The following RABEP1 variants were observed in gnomAD, a reference collection of about 807,000 sequenced individuals.
RABEP1 encodes rab GTPase-binding effector protein 1.
A neutral mutation model predicts 123.4 loss-of-function variants in RABEP1; 51 were observed. The observed-to-expected ratio is 0.41, with a 90% CI of 0.33 to 0.52. RABEP1 has a LOEUF of 0.52. RABEP1 is among the 20% of genes least tolerant of loss of function. The pLI is 0.16. For synonymous variants in RABEP1, 347 were observed against 355.2 expected (o/e 0.98, Z 0.26); for missense variants, 888 against 996.3 (o/e 0.89, Z 1.46).
intron 1 of RABEP1, among the ~76,000 whole-genome samples, chr17:5,284,500 C>T (rs573087797): frequency 1.3e-5 from 2 of 151,456 alleles, no homozygotes; most frequent in Admixed American, 6.6e-5. Context: ...GTATCTCACT[C>T]TGTTGCCCAG....
Position 5,365,087 on chromosome 17 carries a change from T to G in RABEP1, c.1669-35T>G, listed in dbSNP as rs201470346. ...AAAAAAAAAAAAATTATAAAAGGATTCTGGTTTTTCTAATTGACTTTTAAA... is the reference window on the plus strand; with the variant it reads ...AAAAAAAAAAAAATTATAAAAGGATGCTGGTTTTTCTAATTGACTTTTAAA... On this transcript the variant is annotated intron_variant, in intron 10 of 17. Coordinates refer to ENST00000537505, the MANE Select transcript of RABEP1 (RefSeq NM_004703.6). The G allele has an allele frequency of 1.1e-4, 154 of 1,369,766 alleles. 2 individuals carry two copies. In the East Asian group the frequency reaches 3.8e-3, roughly 33 times the overall value. 84.9% of individuals were successfully genotyped at this position (1,369,766 alleles called of 1,614,324 possible). A position where few individuals can be genotyped will look rare whatever the true frequency, so the allele number is the denominator to read the frequency against.
In RABEP1 at chr17:5,383,247, C is replaced by G. The variant is rs777360268; in HGVS notation, c.*24C>G. ...GACACCCTCATGGCAGGATTCTAGC[C>G]TGCACTTTGGGTTTTTAACTCATCT... On this transcript the variant is annotated 3_prime_UTR_variant, in exon 18 of 18. Transcript: ENST00000537505. The G allele has an allele frequency of 9.4e-6, 15 of 1,597,278 alleles. No individual in the cohort carries two copies. Among genetic ancestry groups the G allele is most frequent in the Non-Finnish European group, 2.6e-6 (3 of 1,164,950 alleles).
chr17:5,295,105 G>A (rs2075070044), intron 1 of RABEP1, among the ~76,000 whole-genome samples: 1 of 152,048 alleles, frequency 6.6e-6, no homozygotes, highest in Admixed American at 6.6e-5. Context: ...TTTGAGGACA[G>A]ATGCGGTGGC....
intron 7 of RABEP1, among the ~76,000 whole-genome samples, chr17:5,352,752 A>G (rs1908669080): frequency 1.3e-5 from 2 of 151,878 alleles, no homozygotes; most frequent in Admixed American, 6.6e-5. Context: ...AATCACTTGA[A>G]CCCAGGAGGC....
chr17:5,285,607 A>G (rs956246582), intron 1 of RABEP1, among the ~76,000 whole-genome samples: 10 of 152,328 alleles, frequency 6.6e-5, no homozygotes, highest in African/African-American at 2.4e-4. Context: ...ACTCATGGTT[A>G]TATGGCCATG....
chr17:5,295,616 T>C (rs905848448), intron 1 of RABEP1, among the ~76,000 whole-genome samples: 3 of 152,188 alleles, frequency 2.0e-5, no homozygotes, highest in African/African-American at 7.2e-5. Context: ...TAAAATTTGA[T>C]ACTTTTGATA....
intron 1 of RABEP1, among the ~76,000 whole-genome samples, chr17:5,297,815 G>T (rs905559063): frequency 1.3e-5 from 2 of 152,190 alleles, no homozygotes; most frequent in South Asian, 4.1e-4. Context: ...TTTAATTCCA[G>T]AGCCTGTGCT....
chr17:5,319,932 G>T (rs1783595721), intron 2 of RABEP1, among the ~76,000 whole-genome samples: 1 of 152,106 alleles, frequency 6.6e-6, no homozygotes, highest in African/African-American at 2.4e-5. Flanking sequence ...CTTCAAGAGG[G>T]AGTTGAGCAA....
At chr17:5,371,469 C>A (rs1367762651) in intron 12 of RABEP1, 2 of 152,286 alleles carry the variant, frequency 1.3e-5, no homozygotes, top group South Asian at 4.1e-4. Flanking sequence ...TTTCTCTTTA[C>A]AAAAACAAGC....
chr17:5,304,748 G>A (rs756434328), intron 1 of RABEP1, among the ~76,000 whole-genome samples: 3 of 152,122 alleles, frequency 2.0e-5, no homozygotes, highest in Non-Finnish European at 2.9e-5. Flanking sequence ...TTGAAGGCTG[G>A]CATTACAGTA....
rs1398667258 is a variant in RABEP1, at chr17:5,323,781, TATATATATATATCTAGGA to T, written c.164-8155_164-8138del. 5.5e-3 allele frequency among the ~76,000 whole-genome samples: 387 copies of T among 70,440 alleles called. 71 individuals are homozygous for T. The highest frequency in any genetic ancestry group is 0.022 in the African/African-American group (367 of 16,744). 46.2% of individuals were successfully genotyped at this position (70,440 alleles called of 152,430 possible). On this transcript the variant is annotated intron_variant, in intron 2 of 17. Transcript: ENST00000537505. ...AGGAATATATATATATATCTAGGAA[TATATATATATATCTAGGA>T]ATATATATATATATCTAGGAATATA...
rs1910679399 is a variant in RABEP1 at position 5,373,337 on chromosome 17, A to G, written c.1908A>G (p.Glu636=). The G allele has an allele frequency of 6.2e-7, 1 of 1,613,338 alleles. No individual in the cohort carries two copies. The highest frequency in any genetic ancestry group is 8.5e-7 in the Non-Finnish European group (1 of 1,179,844). The part of the protein sequence containing the change: ...EQMAVLMQSR[E]QVSEELVRLQ... ...AGGCGGTGCTGATGCAGTCACGGGA[A>G]CAGGTTTCAGAAGAGCTGGTGAGGT... Residue 636 remains glutamate, a synonymous_variant, in exon 13 of 18, where the codon GAA becomes GAG. Coordinates refer to ENST00000537505, the MANE Select transcript of RABEP1 (RefSeq NM_004703.6).
chr17:5,376,074 C>T (rs920683826), intron 13 of RABEP1, among the ~76,000 whole-genome samples: 1 of 152,104 alleles, frequency 6.6e-6, no homozygotes, highest in Non-Finnish European at 1.5e-5. Context: ...TTCTCGACCT[C>T]AAGGAATCCG....
intron 2 of RABEP1, among the ~76,000 whole-genome samples, chr17:5,319,136 C>A (rs1030950892): frequency 2.0e-5 from 3 of 151,814 alleles, no homozygotes; most frequent in Non-Finnish European, 2.9e-5. Context: ...TCCAGACCAT[C>A]CTGGCCAACA....
chr17:5,323,832 A>ATATC lies in RABEP1; in HGVS notation c.164-8116_164-8115insATCT, dbSNP rs1240585443. Among the ~76,000 whole-genome samples, 13 of 123,328 alleles carry ATATC rather than the reference A, an allele frequency of 1.1e-4. 1 individual carries two copies. The South Asian group carries it at 1.7e-3, about 16-fold the overall frequency. 80.9% of individuals were successfully genotyped at this position (123,328 alleles called of 152,430 possible). A position where few individuals can be genotyped will look rare whatever the true frequency, so the allele number is the denominator to read the frequency against. On this transcript the variant is annotated intron_variant, in intron 2 of 17. Coordinates refer to ENST00000537505, the MANE Select transcript of RABEP1 (RefSeq NM_004703.6). The stretch of plus-strand genomic sequence containing the variant: ...TATATATCTAGGAATATATATATAT[A>ATATC]TCTAGGAATATATATATATATCTAG...
intron 17 of RABEP1, among the ~76,000 whole-genome samples, chr17:5,382,721 C>T (rs1333791982): frequency 6.6e-6 from 1 of 151,720 alleles, no homozygotes; most frequent in Non-Finnish European, 1.5e-5. Context: ...CACTGCACTC[C>T]AGCCTGGGTG....
chr17:5,371,599 T>C (rs1050850686), intron 12 of RABEP1: 2 of 152,188 alleles, frequency 1.3e-5, no homozygotes, highest in African/African-American at 4.8e-5. Context: ...CTGAAGACAA[T>C]AAGAGCCAGT....
chr17:5,361,601 A>T lies in RABEP1; in HGVS notation c.1489A>T (p.Met497Leu). 6.2e-7 allele frequency: 1 copy of T among 1,614,226 alleles called. No individual in the cohort carries two copies. ...ASLLSSVTQG[M>L]ESAYVSPSGY... ...CCTCCTCTCCAGCGTTACCCAGGGC[A>T]TGGAGAGTGCCTATGTGTCCCCTAG... Residue 497 changes from methionine (M) to leucine (L), a missense_variant, in exon 9 of 18, where the codon ATG (methionine) becomes TTG (leucine). Met to Leu is a conservative substitution (Grantham distance 15, BLOSUM62 2). Coordinates refer to ENST00000537505, the MANE Select transcript of RABEP1 (RefSeq NM_004703.6).
chr17:5,381,243 A>C, intron 16 of RABEP1, 146 bp from the exon 17 acceptor site: 5 of 1,104,594 alleles, frequency 4.5e-6, no homozygotes, highest in Non-Finnish European at 6.0e-6. Flanking sequence ...CGCTTGCCCT[A>C]TAGATAAAGA....
Sources: gnomAD v4.1 joint callset for allele counts (sites outside exome capture counted in the v4.1 genomes callset) on GRCh38, gnomAD v4.1.1 for gene constraint, MANE v1.5 for transcripts, NCBI Gene and HGNC (gene_info 2026-07-23, HGNC 2026-07-21) for gene names.